Variants in SV2B observed in about 807,000 individuals in gnomAD.
SV2B encodes solute carrier family 22 member B2.
A neutral mutation model predicts 73.9 loss-of-function variants in SV2B; 41 were observed. That is an observed-to-expected ratio of 0.56 (90% CI 0.43 to 0.72). SV2B has a LOEUF of 0.72. Ranked by LOEUF, SV2B falls within the 30% of genes least tolerant of loss-of-function variation. The probability of loss-of-function intolerance (pLI) is 0.00; values close to 1 mark genes in which losing one functional copy is unlikely to be tolerated. For missense variants in SV2B, 764 were observed against 857.8 expected, an observed-to-expected ratio of 0.89 and a Z score of 1.37; for synonymous variants, 314 against 314.2, an observed-to-expected ratio of 1.00 and a Z score of 0.01.
Position 91,124,939 on chromosome 15 carries a change from C to T in SV2B, c.-392+24576C>T, listed in dbSNP as rs1343288744. Among the ~76,000 whole-genome samples the T allele has an allele frequency of 6.6e-6, 1 of 152,166 alleles. No homozygotes were observed. Among genetic ancestry groups the T allele is most frequent in the Non-Finnish European group, 1.5e-5 (1 of 68,034 alleles). ...AAAGTGCTGATATTACAGGTGTGAG[C>T]CACTGCGCCCAGCCCAGAAATTTAT... On this transcript the variant is annotated intron_variant, in intron 1 of 12. Transcript: ENST00000394232. The surrounding 1 kb of genome is among the most constrained non-coding windows in gnomAD (Gnocchi z 4.6).
At chr15:91,246,935 A>G (rs1256833182) in intron 2 of SV2B, among the ~76,000 whole-genome samples, 2 of 152,182 alleles carry the variant, frequency 1.3e-5, no homozygotes, top group Non-Finnish European at 2.9e-5. Context: ...GTAATTTTTG[A>G]TAACTCCACT....
rs996663074 is a variant in SV2B, at chr15:91,190,657, C to G, written c.-391-35216C>G. On this transcript the variant is annotated intron_variant, in intron 1 of 12. Coordinates refer to ENST00000394232, the MANE Select transcript of SV2B (RefSeq NM_001323032.3). ...ACATATGTTGTAGGTTTCTGATGTTCCCGTTTTATGGTCAGAGACATAATC... is the reference window on the plus strand; with the variant it reads ...ACATATGTTGTAGGTTTCTGATGTTGCCGTTTTATGGTCAGAGACATAATC... Among the ~76,000 whole-genome samples the G allele has an allele frequency of 4.6e-5, 7 of 152,300 alleles. No homozygotes were observed. In the South Asian group the frequency reaches 1.2e-3, roughly 27 times the overall value.
In SV2B at chr15:91,290,659, G is replaced by A. The variant is rs1446012590; in HGVS notation, c.1868+979G>A. ...ATGGCAGACGTCATAAAATAATTAG[G>A]GATCAACTTGACAAGTGAAACACTC... On this transcript the variant is annotated intron_variant, in intron 12 of 12. Transcript: ENST00000394232. This position sits in a 1 kb window ranked among gnomAD's most constrained non-coding sequence, Gnocchi z 4.7. Among the ~76,000 whole-genome samples, 1 of 151,874 alleles carries A rather than the reference G, an allele frequency of 6.6e-6. No individual in the cohort carries two copies. Among genetic ancestry groups the A allele is most frequent in the Non-Finnish European group, 1.5e-5 (1 of 67,958 alleles).
At position 91,236,549 on chromosome 15, in the gene SV2B, A is replaced by G. The variant is rs1007469826; in HGVS notation, c.451+9835A>G. The stretch of plus-strand genomic sequence containing the variant: ...GAAATATATAAAACTCATTCCCTGT[A>G]CAAGTATATGTAAGCTTTTGACCTT... On this transcript the variant is annotated intron_variant, in intron 2 of 12. Coordinates refer to ENST00000394232, the MANE Select transcript of SV2B (RefSeq NM_001323032.3). This position sits in a 1 kb window ranked among gnomAD's most constrained non-coding sequence, Gnocchi z 4.1. Among the ~76,000 whole-genome samples, 4 of 152,206 alleles carry G rather than the reference A, an allele frequency of 2.6e-5. No individual in the cohort carries two copies. In the East Asian group the frequency reaches 7.7e-4, roughly 29 times the overall value.
intron 1 of SV2B, among the ~76,000 whole-genome samples, chr15:91,169,647 A>G (rs187240474): frequency 6.6e-6 from 1 of 152,204 alleles, no homozygotes; most frequent in Non-Finnish European, 1.5e-5. Flanking sequence ...TGGAGCTTAC[A>G]TTCTAATGTG....
intron 1 of SV2B, among the ~76,000 whole-genome samples, chr15:91,155,142 C>A (rs1320445207): frequency 6.6e-6 from 1 of 152,132 alleles, no homozygotes; most frequent in East Asian, 1.9e-4. Context: ...CCACCTTTCA[C>A]TATCCAAGAG....
chr15:91,191,620 T>C (rs2045034654), intron 1 of SV2B, among the ~76,000 whole-genome samples: 1 of 152,190 alleles, frequency 6.6e-6, no homozygotes, highest in Non-Finnish European at 1.5e-5. Flanking sequence ...TGTATTGAAG[T>C]CTCTCTCCCC....
intron 11 of SV2B, among the ~76,000 whole-genome samples, chr15:91,286,488 G>A (rs753440096): frequency 5.3e-5 from 8 of 152,282 alleles, no homozygotes; most frequent in Non-Finnish European, 1.0e-4. Flanking sequence ...TGTGTGGGAG[G>A]CAATGGGAAT....
In SV2B at chr15:91,100,730, C is replaced by G. The variant is rs1421123919; in HGVS notation, c.-392+367C>G. On this transcript the variant is annotated intron_variant, in intron 1 of 12. Transcript: ENST00000394232. The surrounding 1 kb of genome is among the most constrained non-coding windows in gnomAD (Gnocchi z 6.4). ...CGCTGCTTTTAGTTTCAGTTACATT[C>G]TAGTAGATAGATTTTGTTATTGTTG... is the stretch of plus-strand genomic sequence containing the variant. Among the ~76,000 whole-genome samples the G allele has an allele frequency of 1.3e-5, 2 of 152,320 alleles. No individual in the cohort carries two copies. Among genetic ancestry groups the G allele is most frequent in the East Asian group, 3.9e-4 (2 of 5,184 alleles).
At chr15:91,263,557 C>G (rs2047999228) in intron 6 of SV2B, among the ~76,000 whole-genome samples, 1 of 151,802 alleles carries the variant, frequency 6.6e-6, no homozygotes, top group Non-Finnish European at 1.5e-5. Flanking sequence ...GACACACAGA[C>G]ACAGAGACAC....
chr15:91,237,760 G>A (rs1030794468), intron 2 of SV2B, among the ~76,000 whole-genome samples: 1 of 152,186 alleles, frequency 6.6e-6, no homozygotes, highest in Non-Finnish European at 1.5e-5. Context: ...AAGTAGGAAC[G>A]ATCCCCACAT....
At chr15:91,228,138 GC>G (rs2046445356) in intron 2 of SV2B, among the ~76,000 whole-genome samples, 1 of 152,110 alleles carries the variant, frequency 6.6e-6, no homozygotes, top group African/African-American at 2.4e-5. Context: ...GTCCCTGGGG[GC>G]TCTTAAAAAT....
rs143501050 is a variant in SV2B, at chr15:91,291,589, G to A, written c.1869-780G>A. ...AAGATCATAATTAGGATTAGGTTTT[G>A]CTGTTGCTGACAGCAACCTCAGGTA... On this transcript the variant is annotated intron_variant, in intron 12 of 12. Coordinates refer to ENST00000394232, the MANE Select transcript of SV2B (RefSeq NM_001323032.3). 7.4e-4 allele frequency among the ~76,000 whole-genome samples: 112 copies of A among 152,266 alleles called. 1 individual carries two copies. The highest frequency in any genetic ancestry group is 2.5e-3 in the African/African-American group (103 of 41,544).
rs79954911 is a variant in SV2B, at chr15:91,229,389, G to A, written c.451+2675G>A. Among the ~76,000 whole-genome samples, 904 of 152,280 alleles carry A rather than the reference G, an allele frequency of 5.9e-3. 12 individuals are homozygous for A. Among genetic ancestry groups the A allele is most frequent in the African/African-American group, 0.02 (848 of 41,548 alleles). On this transcript the variant is annotated intron_variant, in intron 2 of 12. Coordinates refer to ENST00000394232, the MANE Select transcript of SV2B (RefSeq NM_001323032.3). This position sits in a 1 kb window ranked among gnomAD's most constrained non-coding sequence, Gnocchi z 4.3. ...AGATAATGCAGGTGTAAAGCAACCA[G>A]CGCTTGTTGCCCTCTCAACAATGAT...
intron 1 of SV2B, among the ~76,000 whole-genome samples, chr15:91,191,852 A>T (rs187111490): frequency 2.6e-4 from 40 of 152,178 alleles, no homozygotes; most frequent in Admixed American, 5.9e-4. Flanking sequence ...AGTATTTATT[A>T]CTCTATCTCA....
At position 91,220,314 on chromosome 15, in the gene SV2B, T is replaced by C. The variant is rs2046171720; in HGVS notation, c.-391-5559T>C. Among the ~76,000 whole-genome samples, 1 of 152,266 alleles carries C rather than the reference T, an allele frequency of 6.6e-6. No homozygotes were observed. Among genetic ancestry groups the C allele is most frequent in the African/African-American group, 2.4e-5 (1 of 41,474 alleles). On this transcript the variant is annotated intron_variant, in intron 1 of 12. Coordinates refer to ENST00000394232, the MANE Select transcript of SV2B (RefSeq NM_001323032.3). This position sits in a 1 kb window ranked among gnomAD's most constrained non-coding sequence, Gnocchi z 4.1. ...AGCTATTCTAATGGATGTGTAGTGATATCTTACTGTGGGGTCAAGCAGGTT... is the reference window on the plus strand; with the variant it reads ...AGCTATTCTAATGGATGTGTAGTGACATCTTACTGTGGGGTCAAGCAGGTT...
chr15:91,114,394 T>C (rs1308138257), intron 1 of SV2B, among the ~76,000 whole-genome samples: 1 of 152,172 alleles, frequency 6.6e-6, no homozygotes, highest in African/African-American at 2.4e-5. Flanking sequence ...CTAATGTGTG[T>C]GCTTGGGATT....
chr15:91,230,255 A>G (rs1160067268), intron 2 of SV2B, among the ~76,000 whole-genome samples: 2 of 151,696 alleles, frequency 1.3e-5, no homozygotes, highest in African/African-American at 4.8e-5. Context: ...AAAAAAAAAA[A>G]AAAAAAGAAA....
rs753194295 is a variant in SV2B, at chr15:91,252,558, T to A, written c.784+38T>A. 7 of 1,547,042 alleles carry A rather than the reference T, an allele frequency of 4.5e-6. No individual in the cohort carries two copies. Among genetic ancestry groups the A allele is most frequent in the South Asian group, 1.2e-5 (1 of 81,204 alleles). On this transcript the variant is annotated intron_variant, in intron 4 of 12. Transcript: ENST00000394232. The surrounding 1 kb of genome is among the most constrained non-coding windows in gnomAD (Gnocchi z 4.6). ...TCCAAACAGCCTAGGGGGCCCTGTT[T>A]CTATGGCTCCTGCACCCAAACAATA... is the stretch of plus-strand genomic sequence containing the variant.
Sources: allele counts gnomAD v4.1 joint callset (sites outside exome capture counted in the v4.1 genomes callset), GRCh38; gene constraint gnomAD v4.1.1; non-coding constraint Gnocchi (gnomAD v3.1); transcripts MANE v1.5; gene names NCBI Gene and HGNC (gene_info 2026-07-23, HGNC 2026-07-21).